The following SUMF1 variants were observed in gnomAD, a reference collection of about 807,000 sequenced individuals.
SUMF1 encodes formylglycine-generating enzyme.
A neutral mutation model predicts 47.6 loss-of-function variants in SUMF1; 48 were observed. The observed-to-expected ratio is 1.01, with a 90% CI of 0.80 to 1.28. The LOEUF (loss-of-function observed/expected upper bound fraction) is 1.28. SUMF1 is among the 50% of genes most tolerant of loss of function. The probability of loss-of-function intolerance (pLI) is 0.00; values close to 1 mark genes in which losing one functional copy is unlikely to be tolerated. For synonymous variants in SUMF1, 230 were observed against 192.1 expected, an observed-to-expected ratio of 1.20 and a Z score of -1.63; for missense variants, 571 against 485.4, an observed-to-expected ratio of 1.18 and a Z score of -1.66.
At chr3:4,377,269 T>C (rs1189578135) in intron 7 of SUMF1, among the ~76,000 whole-genome samples, 2 of 152,114 alleles carry the variant, frequency 1.3e-5, no homozygotes, top group East Asian at 3.8e-4. Context: ...CAGTGAGTTT[T>C]GACAAACATA....
In SUMF1 at chr3:4,048,815, C is replaced by G. The variant is rs374378136; in HGVS notation, c.1191+19754G>C. On this transcript the variant is annotated intron_variant and NMD_transcript_variant, in intron 9 of 12. Coordinates refer to the SUMF1 transcript ENST00000448413. ...AAATAGAGCCCTTCCCTGCTAGATT[C>G]TAATTTCTCTGAGGCAGGTTACCAA... Among the ~76,000 whole-genome samples the G allele has an allele frequency of 1.6e-4, 24 of 152,280 alleles. No individual in the cohort carries two copies. In the East Asian group the frequency reaches 2.7e-3, roughly 17 times the overall value.
intron 1 of SUMF1, among the ~76,000 whole-genome samples, chr3:4,464,542 T>C (rs2079893380): frequency 6.6e-6 from 1 of 152,120 alleles, no homozygotes; most frequent in Non-Finnish European, 1.5e-5. Context: ...TGTTATATAG[T>C]AATGTGCCAA....
chr3:4,303,073 T>C (rs1224952956), intron 8 of SUMF1, among the ~76,000 whole-genome samples: 1 of 152,162 alleles, frequency 6.6e-6, no homozygotes, highest in Non-Finnish European at 1.5e-5. Context: ...CTCAAAAACC[T>C]GGACAAATGA....
At chr3:4,346,720 C>CAA (rs144662987) in intron 8 of SUMF1, among the ~76,000 whole-genome samples, 1 of 150,960 alleles carries the variant, frequency 6.6e-6, no homozygotes, top group Non-Finnish European at 1.5e-5. Context: ...AAAAAACCCT[C>CAA]AAAAAAAATC....
At chr3:4,063,206 C>G (rs909559670) in intron 9 of SUMF1, among the ~76,000 whole-genome samples, 1 of 152,078 alleles carries the variant, frequency 6.6e-6, no homozygotes, top group Non-Finnish European at 1.5e-5. Context: ...TGGTAAATTT[C>G]TAAATGCCCA....
At chr3:4,402,595 T>C (rs1701247791) in intron 7 of SUMF1, among the ~76,000 whole-genome samples, 1 of 152,168 alleles carries the variant, frequency 6.6e-6, no homozygotes, top group African/African-American at 2.4e-5. Flanking sequence ...CCCTGTCCCA[T>C]TCATACTATA....
intron 8 of SUMF1, among the ~76,000 whole-genome samples, chr3:4,156,682 C>T (rs1012478380): frequency 1.6e-4 from 25 of 151,580 alleles, no homozygotes; most frequent in Non-Finnish European, 4.4e-5. Context: ...ACTCTCTGGG[C>T]CTGGCAGCCC....
chr3:4,180,457 A>G (rs1224119053), intron 8 of SUMF1, among the ~76,000 whole-genome samples: 2 of 151,706 alleles, frequency 1.3e-5, no homozygotes, highest in Non-Finnish European at 2.9e-5. Context: ...GAAAACCAAC[A>G]CCACATGTTC....
chr3:4,462,873 C>T (rs2079849768), intron 1 of SUMF1, among the ~76,000 whole-genome samples: 2 of 152,142 alleles, frequency 1.3e-5, no homozygotes, highest in Admixed American at 1.3e-4. Flanking sequence ...GATGAAATGA[C>T]ATTCAAAGTT....
intron 8 of SUMF1, among the ~76,000 whole-genome samples, chr3:4,103,447 A>C (rs1004490894): frequency 6.6e-5 from 10 of 152,058 alleles, no homozygotes; most frequent in Admixed American, 4.6e-4. Flanking sequence ...GTTTTATGAA[A>C]TGGAGGGGAT....
chr3:4,362,962 G>A (rs1575132887), intron 8 of SUMF1, among the ~76,000 whole-genome samples: 2 of 152,048 alleles, frequency 1.3e-5, no homozygotes, highest in African/African-American at 4.8e-5. Flanking sequence ...GAATATAAAG[G>A]TGTATATGTG....
At chr3:4,180,700 A>ACACACACACACACACACACACAC (rs1553606606) in intron 8 of SUMF1, among the ~76,000 whole-genome samples, 18 of 151,526 alleles carry the variant, frequency 1.2e-4, no homozygotes, top group South Asian at 6.3e-4. Context: ...ACACACACAC[A>ACACACACACACACACACACACAC]AAATTAGCCA....
At chr3:4,060,458 G>C (rs920220016) in intron 9 of SUMF1, among the ~76,000 whole-genome samples, 2 of 152,114 alleles carry the variant, frequency 1.3e-5, no homozygotes, top group Non-Finnish European at 2.9e-5. Context: ...AAATCTTCAT[G>C]ACCAAATGTA....
chr3:4,381,657 C>CTATG (rs1338430507), intron 7 of SUMF1, among the ~76,000 whole-genome samples: 2 of 152,224 alleles, frequency 1.3e-5, no homozygotes, highest in African/African-American at 2.4e-5. Flanking sequence ...CTCACACAAA[C>CTATG]TATGCCTCAG....
intron 8 of SUMF1, among the ~76,000 whole-genome samples, chr3:4,226,898 T>C (rs1696187132): frequency 1.3e-5 from 2 of 152,074 alleles, no homozygotes; most frequent in South Asian, 4.1e-4. Context: ...CCTACTCCAG[T>C]GGTTCTCAAA....
intron 8 of SUMF1, among the ~76,000 whole-genome samples, chr3:4,249,116 C>T (rs1284110566): frequency 6.6e-6 from 1 of 152,188 alleles, no homozygotes; most frequent in African/African-American, 2.4e-5. Context: ...CTTCTTAATG[C>T]ATTGGCTTCA....
chr3:4,236,543 C>G (rs1575005496), intron 8 of SUMF1, among the ~76,000 whole-genome samples: 1 of 151,960 alleles, frequency 6.6e-6, no homozygotes, highest in South Asian at 2.1e-4. Context: ...CACTTGAACC[C>G]AGAAGTTCAA....
chr3:4,360,752 G>A (rs1475840329), downstream of SUMF1, among the ~76,000 whole-genome samples: 1 of 152,172 alleles, frequency 6.6e-6, no homozygotes, highest in Non-Finnish European at 1.5e-5. Context: ...TCTTTCAAAT[G>A]GCATGCAAGA....
intron 3 of SUMF1, among the ~76,000 whole-genome samples, chr3:4,437,800 G>T (rs2322685): frequency 6.6e-6 from 1 of 151,924 alleles, no homozygotes; most frequent in South Asian, 2.1e-4. Flanking sequence ...TTAGCTGGGC[G>T]TGGTGGTGCA....
Sources: gnomAD v4.1 joint callset for allele counts (sites outside exome capture counted in the v4.1 genomes callset) on GRCh38, gnomAD v4.1.1 for gene constraint, MANE v1.5 for transcripts, NCBI Gene and HGNC (gene_info 2026-07-23, HGNC 2026-07-21) for gene names.